Variants in RP1 observed in about 807,000 individuals in gnomAD.
RP1 encodes the protein RP1 axonemal microtubule associated.
In RP1, 16 loss-of-function variants were observed where a neutral mutation model predicts 14.8. The ratio of observed to expected loss-of-function variants is 1.08; its 90% CI spans 0.73 to 1.65. RP1 has a LOEUF of 1.65. Ranked by LOEUF, RP1 falls within the 40% of genes most tolerant of loss-of-function variation. The probability of loss-of-function intolerance (pLI) is 0.00; values close to 1 mark genes in which losing one functional copy is unlikely to be tolerated. For missense variants in RP1, 2,631 were observed against 2,535.0 expected, an observed-to-expected ratio of 1.04 and a Z score of -0.81; for synonymous variants, 876 against 883.6, an observed-to-expected ratio of 0.99 and a Z score of 0.15.
intron 28 of RP1, chr8:54,869,814 T>C: frequency 2.0e-6 from 2 of 996,696 alleles, no homozygotes; most frequent in Non-Finnish European, 2.6e-6. Context: ...CTCTCTCATA[T>C]TAATTATCTT....
intron 1 of RP1, among the ~76,000 whole-genome samples, chr8:54,592,408 G>T (rs2129301455): frequency 6.6e-6 from 1 of 152,322 alleles, no homozygotes; most frequent in East Asian, 1.9e-4. Context: ...AAAGTAGCAA[G>T]AGTGCAAGCT....
At chr8:54,718,116 G>A (rs1808447601) in intron 15 of RP1, among the ~76,000 whole-genome samples, 1 of 152,054 alleles carries the variant, frequency 6.6e-6, no homozygotes, top group African/African-American at 2.4e-5. Context: ...TTTATATATT[G>A]GAAGACTCAA....
chr8:54,726,550 G>A, intron 17 of RP1: 19 of 1,439,072 alleles, frequency 1.3e-5, no homozygotes, highest in Non-Finnish European at 1.6e-5. Flanking sequence ...ATTGCAGGAA[G>A]ACTATTAAAT....
chr8:54,791,615 A>G (rs1810467669), intron 24 of RP1, among the ~76,000 whole-genome samples: 1 of 152,230 alleles, frequency 6.6e-6, no homozygotes, highest in East Asian at 1.9e-4. Flanking sequence ...GTCATTTTAT[A>G]GACAATTAAA....
chr8:54,752,569 T>C (rs1809401026), intron 19 of RP1, among the ~76,000 whole-genome samples: 3 of 152,244 alleles, frequency 2.0e-5, no homozygotes, highest in African/African-American at 7.2e-5. Context: ...TCAACCTGCT[T>C]ATTCCAGTTC....
intron 8 of RP1, among the ~76,000 whole-genome samples, chr8:54,675,155 T>C (rs1352597917): frequency 6.6e-6 from 1 of 152,066 alleles, no homozygotes; most frequent in Non-Finnish European, 1.5e-5. Flanking sequence ...CCCAGTAATA[T>C]TAAACATGAA....
chr8:54,814,999 A>G (rs909610826), intron 24 of RP1, among the ~76,000 whole-genome samples: 1 of 152,212 alleles, frequency 6.6e-6, no homozygotes, highest in African/African-American at 2.4e-5. Flanking sequence ...ACAAAGCGAG[A>G]CTCCGTCTCA....
chr8:54,728,866 A>G (rs1406639802), intron 17 of RP1, among the ~76,000 whole-genome samples: 3 of 152,138 alleles, frequency 2.0e-5, no homozygotes, highest in Non-Finnish European at 4.4e-5. Context: ...ATGAACCCCC[A>G]TGTACCCATC....
chr8:54,578,206 T>C (rs1203955419), intron 1 of RP1, among the ~76,000 whole-genome samples: 3 of 152,060 alleles, frequency 2.0e-5, no homozygotes, highest in Non-Finnish European at 4.4e-5. Flanking sequence ...TTTTTAACTT[T>C]TTAATTTTTA....
At chr8:54,766,115 C>G (rs763749782) in intron 22 of RP1, among the ~76,000 whole-genome samples, 1 of 152,082 alleles carries the variant, frequency 6.6e-6, no homozygotes, top group Non-Finnish European at 1.5e-5. Context: ...TGAGTTCCCT[C>G]TGTAACATAC....
intron 3 of RP1, among the ~76,000 whole-genome samples, chr8:54,646,683 A>G (rs1207505280): frequency 1.3e-5 from 2 of 152,214 alleles, no homozygotes; most frequent in Non-Finnish European, 2.9e-5. Flanking sequence ...GCAAAAACCT[A>G]TAGTAAACGG....
chr8:54,699,888 TA>T (rs1807971250), intron 13 of RP1, among the ~76,000 whole-genome samples: 1 of 152,202 alleles, frequency 6.6e-6, no homozygotes, highest in Non-Finnish European at 1.5e-5. Context: ...TTTTTATAGT[TA>T]TACCTTGTGT....
intron 24 of RP1, among the ~76,000 whole-genome samples, chr8:54,830,134 C>T (rs572867978): frequency 7.0e-4 from 107 of 152,060 alleles, no homozygotes; most frequent in African/African-American, 2.5e-3. Flanking sequence ...ATGTTAAAAT[C>T]GCCAAATATG....
chr8:54,611,980 G>T (rs570993154), upstream of RP1, among the ~76,000 whole-genome samples: 30 of 149,506 alleles, frequency 2.0e-4, no homozygotes, highest in Admixed American at 8.2e-4. Context: ...GGATCAGCCT[G>T]CAGTAGAAGC....
intron 1 of RP1, among the ~76,000 whole-genome samples, chr8:54,595,083 A>G (rs1482225598): frequency 6.6e-6 from 1 of 152,034 alleles, no homozygotes; most frequent in East Asian, 1.9e-4. Flanking sequence ...TCTGAATAGT[A>G]TACTTTTATT....
downstream of RP1, among the ~76,000 whole-genome samples, chr8:54,774,587 G>C (rs1249233811): frequency 1.3e-5 from 2 of 152,216 alleles, no homozygotes; most frequent in East Asian, 3.9e-4. Flanking sequence ...AGACAGTGCA[G>C]TGCTTCTCAT....
chr8:54,564,578 C>T (rs931507595), intron 1 of RP1, among the ~76,000 whole-genome samples: 6 of 152,194 alleles, frequency 3.9e-5, no homozygotes, highest in East Asian at 1.9e-4. Context: ...AAAACAGGCT[C>T]ATAGAAGCGG....
At chr8:54,663,889 T>C in intron 7 of RP1, 1 of 1,468,766 alleles carries the variant, frequency 6.8e-7, no homozygotes, top group African/African-American at 1.4e-5. Context: ...AGATTAATCA[T>C]GGTAAAAACA....
At chr8:54,685,388 T>C (rs1012947322) in intron 12 of RP1, among the ~76,000 whole-genome samples, 1 of 152,194 alleles carries the variant, frequency 6.6e-6, no homozygotes, top group Non-Finnish European at 1.5e-5. Context: ...AATTTCTTGA[T>C]TTCTGCCTTA....
Sources: gnomAD v4.1 joint callset for allele counts (sites outside exome capture counted in the v4.1 genomes callset) on GRCh38, gnomAD v4.1.1 for gene constraint, MANE v1.5 for transcripts, NCBI Gene and HGNC (gene_info 2026-07-23, HGNC 2026-07-21) for gene names.